CDH13: variants seen among roughly 807,000 people sequenced by gnomAD.
CDH13 encodes cadherin-13.
A neutral mutation model predicts 63.8 loss-of-function variants in CDH13; 24 were observed. The ratio of observed to expected loss-of-function variants is 0.38; its 90% CI spans 0.27 to 0.53. The LOEUF is 0.53. Among genes scored for constraint, CDH13 ranks in the 20% least tolerant of loss-of-function variants. CDH13 has a pLI of 0.85. For missense variants in CDH13, 1,049 were observed against 903.1 expected, an observed-to-expected ratio of 1.16 and a Z score of -2.07; for synonymous variants, 503 against 355.3, an observed-to-expected ratio of 1.42 and a Z score of -4.67.
At chr16:83,059,716 G>C (rs1359777151) in intron 3 of CDH13, among the ~76,000 whole-genome samples, 1 of 151,648 alleles carries the variant, frequency 6.6e-6, no homozygotes, top group South Asian at 2.1e-4. Flanking sequence ...CTTAAAGACA[G>C]GGTGCTTATC....
chr16:82,916,793 A>G (rs555455762), intron 2 of CDH13, among the ~76,000 whole-genome samples: 3 of 152,144 alleles, frequency 2.0e-5, no homozygotes, highest in Admixed American at 2.0e-4. Flanking sequence ...ACAGAGCAGG[A>G]GACCTAAAAA....
chr16:83,430,548 CT>C (rs1456138501), intron 6 of CDH13, among the ~76,000 whole-genome samples: 1 of 152,134 alleles, frequency 6.6e-6, no homozygotes, highest in Admixed American at 6.5e-5. Flanking sequence ...CTTTATTCTT[CT>C]TTTTGAAATC....
At chr16:83,740,521 C>T (rs1313387336) in intron 10 of CDH13, among the ~76,000 whole-genome samples, 1 of 152,178 alleles carries the variant, frequency 6.6e-6, no homozygotes, top group African/African-American at 2.4e-5. Flanking sequence ...ATATATATTA[C>T]TTGTTGTCAT....
intron 1 of CDH13, among the ~76,000 whole-genome samples, chr16:82,630,613 C>CTT (rs1287179877): frequency 5.3e-5 from 8 of 152,174 alleles, no homozygotes; most frequent in Non-Finnish European, 8.8e-5. Context: ...AGCATCAGCA[C>CTT]TTGGATGTGT....
intron 7 of CDH13, among the ~76,000 whole-genome samples, chr16:83,571,741 T>A (rs905376335): frequency 6.6e-6 from 1 of 152,208 alleles, no homozygotes; most frequent in Admixed American, 6.5e-5. Context: ...AATTACTCCC[T>A]CTCTTGTATT....
chr16:83,604,391 C>G (rs1357870262), intron 8 of CDH13, among the ~76,000 whole-genome samples: 1 of 152,064 alleles, frequency 6.6e-6, no homozygotes, highest in Admixed American at 6.5e-5. Flanking sequence ...TAATTCACTT[C>G]CAAGAAATTA....
At chr16:83,645,160 C>G (rs527358921) in intron 8 of CDH13, among the ~76,000 whole-genome samples, 3 of 152,164 alleles carry the variant, frequency 2.0e-5, no homozygotes, top group Non-Finnish European at 2.9e-5. Flanking sequence ...TGTACATCAA[C>G]GATTGACTGG....
At chr16:82,818,531 GA>G (rs2037837443) in intron 1 of CDH13, among the ~76,000 whole-genome samples, 1 of 152,140 alleles carries the variant, frequency 6.6e-6, no homozygotes, top group African/African-American at 2.4e-5. Flanking sequence ...AACATTTGAG[GA>G]ATCTCTTGAA....
At chr16:83,504,458 C>A (rs2074352331) in intron 7 of CDH13, among the ~76,000 whole-genome samples, 1 of 152,210 alleles carries the variant, frequency 6.6e-6, no homozygotes, top group Non-Finnish European at 1.5e-5. Context: ...CTCAGCCTGT[C>A]CAGTGTCGCT....
chr16:83,695,209 A>C (rs1905260137), intron 10 of CDH13, among the ~76,000 whole-genome samples: 1 of 152,204 alleles, frequency 6.6e-6, no homozygotes, highest in Admixed American at 6.5e-5. Context: ...TCTGTTTCAA[A>C]AAAAAATTAT....
chr16:82,792,081 G>C (rs1253778278), intron 1 of CDH13, among the ~76,000 whole-genome samples: 1 of 152,164 alleles, frequency 6.6e-6, no homozygotes, highest in Admixed American at 6.5e-5. Context: ...GGACGGATCT[G>C]TGACTGGCTT....
chr16:82,752,988 G>A (rs1453529035), intron 1 of CDH13, among the ~76,000 whole-genome samples: 1 of 152,214 alleles, frequency 6.6e-6, no homozygotes, highest in Non-Finnish European at 1.5e-5. Context: ...AAGAAGTGAT[G>A]CATTTTGAGT....
At chr16:82,687,584 G>C (rs993065858) in intron 1 of CDH13, among the ~76,000 whole-genome samples, 1 of 152,130 alleles carries the variant, frequency 6.6e-6, no homozygotes. Context: ...ATCAGATGTC[G>C]TGAGACTTAT....
intron 1 of CDH13, among the ~76,000 whole-genome samples, chr16:82,760,861 C>A (rs919019203): frequency 6.6e-6 from 1 of 151,668 alleles, no homozygotes; most frequent in Non-Finnish European, 1.5e-5. Context: ...GTGCCAGGCC[C>A]TTTTCAACAA....
chr16:82,813,228 A>C (rs2037532484), intron 1 of CDH13, among the ~76,000 whole-genome samples: 1 of 151,464 alleles, frequency 6.6e-6, no homozygotes, highest in African/African-American at 2.4e-5. Context: ...CTATGAGTTA[A>C]GGGCTCTGGA....
intron 1 of CDH13, among the ~76,000 whole-genome samples, chr16:82,745,700 A>G (rs2034131144): frequency 6.6e-6 from 1 of 152,150 alleles, no homozygotes; most frequent in African/African-American, 2.4e-5. Flanking sequence ...GCCTTTTCTT[A>G]TGTTATTGTC....
chr16:83,531,559 G>C (rs898672343), intron 7 of CDH13, among the ~76,000 whole-genome samples: 3 of 152,176 alleles, frequency 2.0e-5, no homozygotes, highest in Non-Finnish European at 2.9e-5. Flanking sequence ...TTTCCACCAT[G>C]ATTGTGAGGC....
At chr16:82,944,819 C>G (rs950948207) in intron 2 of CDH13, among the ~76,000 whole-genome samples, 1 of 152,012 alleles carries the variant, frequency 6.6e-6, no homozygotes. Context: ...ACATTTGTAC[C>G]TATCTATCTA....
chr16:82,789,607 A>G (rs28607404), intron 1 of CDH13, among the ~76,000 whole-genome samples: 27,193 of 152,220 alleles, frequency 0.18, 2,853 homozygotes, highest in African/African-American at 0.29. Context: ...TGGGAGGTCC[A>G]TTGGGCAGGA....
Sources: gnomAD v4.1 joint callset for allele counts (sites outside exome capture counted in the v4.1 genomes callset) on GRCh38, gnomAD v4.1.1 for gene constraint, MANE v1.5 for transcripts, NCBI Gene and HGNC (gene_info 2026-07-23, HGNC 2026-07-21) for gene names.